ZC3H12B: variants seen among roughly 807,000 people sequenced by gnomAD.
The protein encoded by ZC3H12B is probable ribonuclease ZC3H12B.
In ZC3H12B, 7 loss-of-function variants were observed where a neutral mutation model predicts 43.9. The observed-to-expected ratio is 0.16, with a 90% CI of 0.09 to 0.30. The LOEUF (loss-of-function observed/expected upper bound fraction) is 0.30. ZC3H12B is among the 10% of genes least tolerant of loss of function. ZC3H12B has a pLI of 1.00. For synonymous variants in ZC3H12B, 222 were observed against 241.7 expected (o/e 0.92, Z 0.76); for missense variants, 475 against 670.2 (o/e 0.71, Z 3.22).
chrX:65,227,870 C>T, the ZC3H12B span, among the ~76,000 whole-genome samples: 1 of 111,448 alleles, frequency 9.0e-6, no homozygotes, highest in Non-Finnish European at 1.9e-5. Context: ...ATAAGAGGCT[C>T]TGAAATTGTG....
At chrX:65,502,055 A>G in exon 5 of ZC3H12B, 2 of 1,211,117 alleles carry the variant, frequency 1.7e-6, no homozygotes, top group Non-Finnish European at 2.2e-6. Context: ...ATGGCTGTCC[A>G]TTGCCCGTAA....
At chrX:65,382,381 G>A (rs1282447047) in intron 2 of ZC3H12B, among the ~76,000 whole-genome samples, 4 of 110,537 alleles carry the variant, frequency 3.6e-5, no homozygotes, top group South Asian at 7.7e-4. Flanking sequence ...ATGCAGAAAA[G>A]GCCTTTGACA....
At chrX:65,294,808 C>G in the ZC3H12B span, among the ~76,000 whole-genome samples, 1 of 110,756 alleles carries the variant, frequency 9.0e-6, no homozygotes, top group African/African-American at 3.3e-5. Flanking sequence ...TATCACAATC[C>G]TAAATATATA....
chrX:65,179,192 G>A, the ZC3H12B span, among the ~76,000 whole-genome samples: 1 of 109,777 alleles, frequency 9.1e-6, no homozygotes, highest in Non-Finnish European at 1.9e-5. Flanking sequence ...TCACTCATAA[G>A]TGGGAGTTGA....
chrX:65,143,866 G>C, the ZC3H12B span, among the ~76,000 whole-genome samples: 73 of 111,022 alleles, frequency 6.6e-4, no homozygotes, highest in African/African-American at 2.3e-3. Flanking sequence ...ACTGGACCTG[G>C]CCTTGAGTTA....
At chrX:65,094,439 C>T in the ZC3H12B span, among the ~76,000 whole-genome samples, 1 of 111,376 alleles carries the variant, frequency 9.0e-6, no homozygotes, top group Non-Finnish European at 1.9e-5. Context: ...TTATTCTTCT[C>T]AGTGTACAAA....
At chrX:65,460,017 A>T (rs971020987) in intron 3 of ZC3H12B, among the ~76,000 whole-genome samples, 3 of 112,221 alleles carry the variant, frequency 2.7e-5, no homozygotes, top group Non-Finnish European at 5.6e-5. Flanking sequence ...AAGTCTCAGG[A>T]TACAAAATCA....
chrX:65,477,243 T>C (rs2068005252), intron 3 of ZC3H12B, among the ~76,000 whole-genome samples: 1 of 109,153 alleles, frequency 9.2e-6, no homozygotes, highest in African/African-American at 3.4e-5. Flanking sequence ...CAAGGCAGGG[T>C]CATCAGGAGA....
At chrX:65,163,637 G>A in the ZC3H12B span, among the ~76,000 whole-genome samples, 1 of 111,838 alleles carries the variant, frequency 8.9e-6, no homozygotes, top group Non-Finnish European at 1.9e-5. Context: ...CGCAGTATTA[G>A]GGTGGGAGTG....
the ZC3H12B span, among the ~76,000 whole-genome samples, chrX:65,181,987 G>A: frequency 8.9e-6 from 1 of 111,749 alleles, no homozygotes; most frequent in Non-Finnish European, 1.9e-5. Context: ...CAATAGCAAA[G>A]ACTTGGAACC....
chrX:65,385,817 C>G (rs1301033953), intron 2 of ZC3H12B, among the ~76,000 whole-genome samples: 2 of 111,913 alleles, frequency 1.8e-5, no homozygotes, highest in African/African-American at 6.5e-5. Flanking sequence ...GAGCTATGTC[C>G]CATCAATACC....
the ZC3H12B span, among the ~76,000 whole-genome samples, chrX:65,113,988 T>C: frequency 5.6e-5 from 1 of 17,999 alleles, no homozygotes; most frequent in Non-Finnish European, 8.2e-5. Context: ...TATGCTTGTA[T>C]ATATATATAT....
chrX:65,458,033 C>T (rs1344314644), intron 3 of ZC3H12B, among the ~76,000 whole-genome samples: 1 of 63,888 alleles, frequency 1.6e-5, no homozygotes, highest in Non-Finnish European at 2.8e-5. Flanking sequence ...CCAAATCCCC[C>T]TCTGCGAGAA....
the ZC3H12B span, among the ~76,000 whole-genome samples, chrX:65,124,449 CT>C: frequency 2.7e-5 from 3 of 110,227 alleles, no homozygotes; most frequent in Non-Finnish European, 5.7e-5. Flanking sequence ...CTGTAGTTTT[CT>C]TTTTTTATGT....
the ZC3H12B span, among the ~76,000 whole-genome samples, chrX:65,286,508 G>T: frequency 9.1e-6 from 1 of 110,406 alleles, no homozygotes; most frequent in East Asian, 2.8e-4. Flanking sequence ...TATCAGTGAT[G>T]CACAATTTAC....
chrX:65,245,958 A>G, the ZC3H12B span, among the ~76,000 whole-genome samples: 1 of 112,108 alleles, frequency 8.9e-6, no homozygotes, highest in African/African-American at 3.2e-5. Flanking sequence ...AAATAGGAAA[A>G]GAGGAAATCA....
chrX:65,315,359 T>A, the ZC3H12B span, among the ~76,000 whole-genome samples: 1 of 111,569 alleles, frequency 9.0e-6, no homozygotes, highest in African/African-American at 3.3e-5. Context: ...AAAATGGAAG[T>A]ATACAGTTTT....
At chrX:65,414,834 A>G (rs780424385) in intron 3 of ZC3H12B, among the ~76,000 whole-genome samples, 35 of 112,423 alleles carry the variant, frequency 3.1e-4, no homozygotes, top group Non-Finnish European at 6.2e-4. Context: ...ATCTTCAGCA[A>G]CATAGTAGGT....
At chrX:65,163,825 C>T in the ZC3H12B span, among the ~76,000 whole-genome samples, 1 of 112,000 alleles carries the variant, frequency 8.9e-6, no homozygotes, top group African/African-American at 3.2e-5. Context: ...GAACCCGGTA[C>T]CTCAGATGGA....
Sources: allele counts gnomAD v4.1 joint callset (sites outside exome capture counted in the v4.1 genomes callset), GRCh38; gene constraint gnomAD v4.1.1; transcripts MANE v1.5; gene names NCBI Gene and HGNC (gene_info 2026-07-23, HGNC 2026-07-21).